Variants in ADAMTSL3 observed in about 807,000 individuals in gnomAD.
The protein encoded by ADAMTSL3 is ADAMTS like 3.
A neutral mutation model predicts 201.7 loss-of-function variants in ADAMTSL3; 128 were observed. That is an observed-to-expected ratio of 0.63 (90% confidence interval 0.55 to 0.73). ADAMTSL3 has a LOEUF of 0.73. Ranked by LOEUF, ADAMTSL3 falls within the 30% of genes least tolerant of loss-of-function variation. ADAMTSL3 has a pLI of 0.00. For missense variants in ADAMTSL3, 1,990 were observed against 2,119.6 expected, an observed-to-expected ratio of 0.94 and a Z score of 1.20; for synonymous variants, 738 against 748.4, an observed-to-expected ratio of 0.99 and a Z score of 0.23.
chr15:84,016,951 ACT>A lies in ADAMTSL3; in HGVS notation c.4273+455_4273+456del, dbSNP rs566268682. Reference sequence around the variant, plus strand: ...AATCTAAGTATTACAAGCTTATAAAACTCTGCAGAAGGCCAAGGGATCAAGGC... The same window carrying A: ...AATCTAAGTATTACAAGCTTATAAAACTGCAGAAGGCCAAGGGATCAAGGC... On this transcript the variant is annotated intron_variant, in intron 25 of 29. Coordinates refer to ENST00000286744, the MANE Select transcript of ADAMTSL3 (RefSeq NM_207517.3). 8.5e-5 allele frequency among the ~76,000 whole-genome samples: 13 copies of A among 152,248 alleles called. No individual in the cohort carries two copies. The East Asian group carries it at 2.5e-3, about 29-fold the overall frequency.
chr15:83,922,251 C>T lies in ADAMTSL3; in HGVS notation c.1988-1653C>T, dbSNP rs2066161157. On this transcript the variant is annotated intron_variant, in intron 16 of 29. Transcript: ENST00000286744. ...GGCCATTTTTCAAAATATACTCTAC[C>T]TCAATAAGTATCCTAAACACCTATT... 2.6e-5 allele frequency among the ~76,000 whole-genome samples: 4 copies of T among 152,056 alleles called. No individual in the cohort carries two copies. In the South Asian group the frequency reaches 8.3e-4, roughly 32 times the overall value.
At chr15:83,762,221 A>G (rs2062818297) in intron 3 of ADAMTSL3, among the ~76,000 whole-genome samples, 1 of 152,116 alleles carries the variant, frequency 6.6e-6, no homozygotes, top group Admixed American at 6.5e-5. Context: ...TAGCCAGAAT[A>G]TGATTCCTAA....
chr15:84,037,672 GTTACAGATA>G lies in ADAMTSL3; in HGVS notation c.4970-25_4970-17del, dbSNP rs1457447547. 2 of 1,574,898 alleles carry G rather than the reference GTTACAGATA, an allele frequency of 1.3e-6. No individual in the cohort carries two copies. Among genetic ancestry groups the G allele is most frequent in the Admixed American group, 3.9e-5 (2 of 50,808 alleles). ...TAATTAGGTCTCTAATAAGCTATATGTTACAGATATTTGTTTCTTTTTTGCAGGAGACTG... is the reference window on the plus strand; with the variant it reads ...TAATTAGGTCTCTAATAAGCTATATGTTTGTTTCTTTTTTGCAGGAGACTG... On this transcript the variant is annotated intron_variant, in intron 29 of 29. Coordinates refer to ENST00000286744, the MANE Select transcript of ADAMTSL3 (RefSeq NM_207517.3).
chr15:83,801,637 A>ATATAT (rs2063515338), intron 4 of ADAMTSL3, among the ~76,000 whole-genome samples: 1 of 53,342 alleles, frequency 1.9e-5, no homozygotes, highest in Non-Finnish European at 3.4e-5. Context: ...TATATATATA[A>ATATAT]ATATATAAAT....
chr15:83,855,625 G>T (rs1264610068), intron 7 of ADAMTSL3, among the ~76,000 whole-genome samples: 2 of 152,178 alleles, frequency 1.3e-5, no homozygotes, highest in Admixed American at 1.3e-4. Flanking sequence ...TGGAGGTGGA[G>T]AATGGGGAGA....
At chr15:83,993,006 A>C (rs2067610616) in intron 23 of ADAMTSL3, among the ~76,000 whole-genome samples, 1 of 152,218 alleles carries the variant, frequency 6.6e-6, no homozygotes, top group African/African-American at 2.4e-5. Flanking sequence ...CCATGGACTC[A>C]GACCCCAGAA....
At chr15:83,808,297 A>T (rs142485106) in intron 5 of ADAMTSL3, among the ~76,000 whole-genome samples, 1 of 152,292 alleles carries the variant, frequency 6.6e-6, no homozygotes, top group African/African-American at 2.4e-5. Flanking sequence ...AACCCAAAAC[A>T]AATAATTTGA....
chr15:83,670,843 G>A (rs1437149623), intron 2 of ADAMTSL3, among the ~76,000 whole-genome samples: 1 of 152,180 alleles, frequency 6.6e-6, no homozygotes, highest in Non-Finnish European at 1.5e-5. Flanking sequence ...TATCTCCTGG[G>A]CTAAACCAAC....
intron 3 of ADAMTSL3, chr15:83,740,144 C>G (rs59283606): frequency 0.093 from 25,023 of 269,798 alleles, 1,704 homozygotes; most frequent in South Asian, 0.25. Flanking sequence ...TCGTCTTGGA[C>G]TAAATTTGCA....
intron 4 of ADAMTSL3, among the ~76,000 whole-genome samples, chr15:83,794,787 T>C (rs2063397688): frequency 2.0e-5 from 3 of 152,188 alleles, no homozygotes; most frequent in Non-Finnish European, 2.9e-5. Context: ...TTTTGCAAGA[T>C]GATACCTTTG....
chr15:83,951,633 T>C (rs897587354), intron 19 of ADAMTSL3, among the ~76,000 whole-genome samples: 1 of 152,156 alleles, frequency 6.6e-6, no homozygotes, highest in Middle Eastern at 3.2e-3. Flanking sequence ...GTGAAGTCAT[T>C]GGATCTCAGG....
intron 20 of ADAMTSL3, among the ~76,000 whole-genome samples, chr15:83,977,580 A>G (rs1378291311): frequency 6.6e-6 from 1 of 152,178 alleles, no homozygotes; most frequent in Non-Finnish European, 1.5e-5. Context: ...TGGTGGTCAG[A>G]AAGGACCAGA....
chr15:83,928,907 A>T (rs979064306), intron 17 of ADAMTSL3, among the ~76,000 whole-genome samples: 3 of 152,278 alleles, frequency 2.0e-5, no homozygotes, highest in African/African-American at 7.2e-5. Context: ...GTTCTCTGAT[A>T]ATATGAACTT....
intron 19 of ADAMTSL3, among the ~76,000 whole-genome samples, chr15:83,960,523 G>A (rs182767549): frequency 6.6e-6 from 1 of 152,214 alleles, no homozygotes; most frequent in East Asian, 1.9e-4. Flanking sequence ...AAAAAACTGA[G>A]GATGTCCCTT....
intron 16 of ADAMTSL3, among the ~76,000 whole-genome samples, chr15:83,919,058 G>A (rs1401765523): frequency 6.6e-6 from 1 of 152,124 alleles, no homozygotes; most frequent in Non-Finnish European, 1.5e-5. Context: ...ATGTTGGTGA[G>A]GGAACCCATG....
intron 20 of ADAMTSL3, among the ~76,000 whole-genome samples, chr15:83,981,641 G>A (rs1027424613): frequency 6.6e-6 from 1 of 152,226 alleles, no homozygotes; most frequent in Non-Finnish European, 1.5e-5. Context: ...TATGCCACCT[G>A]TTCTTTTTTG....
At chr15:83,910,897 C>T (rs1365741492) in intron 15 of ADAMTSL3, among the ~76,000 whole-genome samples, 1 of 152,030 alleles carries the variant, frequency 6.6e-6, no homozygotes, top group East Asian at 1.9e-4. Context: ...GCCTCAGCCT[C>T]CCAAAGTGCT....
intron 17 of ADAMTSL3, among the ~76,000 whole-genome samples, chr15:83,929,777 GAGAC>G (rs1356401665): frequency 6.6e-6 from 1 of 150,610 alleles, no homozygotes; most frequent in Non-Finnish European, 1.5e-5. Context: ...CAGAGAGACA[GAGAC>G]AGACACACAC....
chr15:83,790,317 G>A (rs1430267405), intron 4 of ADAMTSL3, among the ~76,000 whole-genome samples: 1 of 149,390 alleles, frequency 6.7e-6, no homozygotes, highest in African/African-American at 2.5e-5. Context: ...CATGAATATA[G>A]AAGTAAAAAT....
Sources: gnomAD v4.1 joint callset for allele counts (sites outside exome capture counted in the v4.1 genomes callset) on GRCh38, gnomAD v4.1.1 for gene constraint, MANE v1.5 for transcripts, NCBI Gene and HGNC (gene_info 2026-07-23, HGNC 2026-07-21) for gene names.